The following SPOP variants were observed in gnomAD, a reference collection of about 807,000 sequenced individuals.
The protein encoded by SPOP is speckle-type POZ protein.
SPOP carries 11 observed loss-of-function variants against 45.6 expected under a neutral mutation model. That is an observed-to-expected ratio of 0.24 (90% confidence interval 0.15 to 0.40). The LOEUF (loss-of-function observed/expected upper bound fraction) is 0.40, where lower values mean the gene tolerates loss of function less well. Among genes scored for constraint, SPOP ranks in the 10% least tolerant of loss-of-function variants. The pLI is 1.00. For missense variants in SPOP, 152 were observed against 465.6 expected, an observed-to-expected ratio of 0.33 and a Z score of 6.20; for synonymous variants, 166 against 166.3, an observed-to-expected ratio of 1.00 and a Z score of 0.01.
At chr17:49,617,923 C>CAAAAAAAA (rs907445153) in intron 5 of SPOP, among the ~76,000 whole-genome samples, 1 of 55,882 alleles carries the variant, frequency 1.8e-5, no homozygotes, top group African/African-American at 6.3e-5. Context: ...GACTCCGTCT[C>CAAAAAAAA]AAAAAAAAAA....
chr17:49,625,606 C>T (rs946477136), intron 1 of SPOP, among the ~76,000 whole-genome samples: 69 of 152,062 alleles, frequency 4.5e-4, no homozygotes, highest in Non-Finnish European at 4.9e-4. Flanking sequence ...GAAGCTCCAT[C>T]TCAAAAAATA....
At chr17:49,639,510 G>T (rs545692838) in intron 1 of SPOP, among the ~76,000 whole-genome samples, 1 of 152,290 alleles carries the variant, frequency 6.6e-6, no homozygotes, top group East Asian at 1.9e-4. Context: ...TACATAAATT[G>T]TGGTATATTC....
At chr17:49,675,282 A>T (rs2073184643) in intron 1 of SPOP, among the ~76,000 whole-genome samples, 1 of 152,264 alleles carries the variant, frequency 6.6e-6, no homozygotes, top group South Asian at 2.1e-4. Context: ...ATTATCTGCC[A>T]TCTTTCAAAA....
chr17:49,609,021 G>A (rs2071911377), intron 6 of SPOP, among the ~76,000 whole-genome samples: 1 of 151,760 alleles, frequency 6.6e-6, no homozygotes, highest in Admixed American at 6.6e-5. Flanking sequence ...CAATTCTCCT[G>A]CCTCAGCCTC....
chr17:49,604,136 A>C (rs981642314), intron 8 of SPOP, among the ~76,000 whole-genome samples: 1 of 152,260 alleles, frequency 6.6e-6, no homozygotes, highest in African/African-American at 2.4e-5. Context: ...TTCCTTAAAA[A>C]TCAGAGCACA....
At chr17:49,659,267 T>C (rs1384582833) in intron 1 of SPOP, among the ~76,000 whole-genome samples, 1 of 152,166 alleles carries the variant, frequency 6.6e-6, no homozygotes, top group African/African-American at 2.4e-5. Context: ...GTTTTGAACC[T>C]CATCTACTCT....
chr17:49,630,145 G>A (rs923654116), intron 1 of SPOP, among the ~76,000 whole-genome samples: 10 of 152,066 alleles, frequency 6.6e-5, no homozygotes, highest in African/African-American at 1.4e-4. Flanking sequence ...AGATGTTTGC[G>A]TTTTCCAAAA....
At position 49,607,773 on chromosome 17, in the gene SPOP, T is replaced by C. The variant is rs563001151; in HGVS notation, c.714+101A>G. The C allele has an allele frequency of 2.9e-4, 336 of 1,176,902 alleles. No individual in the cohort carries two copies. The African/African-American group carries it at 4.7e-3, about 17-fold the overall frequency. The allele number at this position is 1,176,902 out of a possible 1,614,324, so 72.9% of individuals were successfully genotyped here. A position where few individuals can be genotyped will look rare whatever the true frequency, so the allele number is the denominator to read the frequency against. On this transcript the variant is annotated intron_variant, in intron 7 of 9. Transcript: ENST00000504102. ...TTTAGGGACTCATACTCCATTTTAG[T>C]AAGAAAAAAGTAATTAGGAAAATGA...
intron 6 of SPOP, among the ~76,000 whole-genome samples, chr17:49,609,918 C>T (rs986882975): frequency 4.0e-5 from 6 of 151,654 alleles, no homozygotes; most frequent in African/African-American, 1.5e-4. Context: ...GGATATAAAA[C>T]AGAGCAGAGG....
At chr17:49,605,448 G>A (rs1174725297) in intron 8 of SPOP, among the ~76,000 whole-genome samples, 2 of 152,192 alleles carry the variant, frequency 1.3e-5, no homozygotes, top group African/African-American at 2.4e-5. Context: ...TCAGCACTTT[G>A]GGAGGCTGAG....
intron 1 of SPOP, among the ~76,000 whole-genome samples, chr17:49,676,318 G>C (rs1182246413): frequency 2.0e-5 from 3 of 152,148 alleles, no homozygotes; most frequent in African/African-American, 7.2e-5. Context: ...TTCCCAGGAA[G>C]ATATATGCAC....
At chr17:49,610,680 G>T (rs2071953537) in intron 6 of SPOP, among the ~76,000 whole-genome samples, 1 of 152,136 alleles carries the variant, frequency 6.6e-6, no homozygotes, top group South Asian at 2.1e-4. Flanking sequence ...TTTCCTGTTA[G>T]GTCTTATGGT....
intron 1 of SPOP, among the ~76,000 whole-genome samples, chr17:49,668,760 C>CAT (rs1009175774): frequency 1.3e-5 from 2 of 150,904 alleles, no homozygotes; most frequent in Non-Finnish European, 2.9e-5. Flanking sequence ...TATATACACT[C>CAT]ATATATATAC....
At chr17:49,664,418 A>T (rs182208826) in intron 1 of SPOP, among the ~76,000 whole-genome samples, 3 of 152,350 alleles carry the variant, frequency 2.0e-5, no homozygotes, top group Admixed American at 2.0e-4. Context: ...AATTTTTCTA[A>T]AACATTTTTT....
chr17:49,638,578 T>C (rs2008752), intron 1 of SPOP, among the ~76,000 whole-genome samples: 123,555 of 151,602 alleles, frequency 0.81, 51,126 homozygotes, highest in East Asian at 1. Flanking sequence ...AGTGAGACTC[T>C]GTCTCAAAAA....
intron 1 of SPOP, among the ~76,000 whole-genome samples, chr17:49,646,806 T>C (rs2072765989): frequency 6.6e-6 from 1 of 152,190 alleles, no homozygotes; most frequent in Non-Finnish European, 1.5e-5. Context: ...TGGCTATTAA[T>C]GGGCTTGAGT....
chr17:49,657,696 C>CT (rs34194099), intron 1 of SPOP, among the ~76,000 whole-genome samples: 5,823 of 100,972 alleles, frequency 0.058, 337 homozygotes, highest in East Asian at 0.16. Flanking sequence ...CGCACCCGGC[C>CT]TTTTTTTTTT....
intron 5 of SPOP, among the ~76,000 whole-genome samples, chr17:49,618,162 G>A (rs1337857818): frequency 6.6e-6 from 1 of 152,092 alleles, no homozygotes; most frequent in African/African-American, 2.4e-5. Flanking sequence ...ATTATCAAGC[G>A]GTGCTGCTCA....
chr17:49,638,527 G>A (rs1227570251), intron 1 of SPOP, among the ~76,000 whole-genome samples: 1 of 151,832 alleles, frequency 6.6e-6, no homozygotes, highest in South Asian at 2.1e-4. Context: ...AGTGGTTGCC[G>A]TGAACAGAGA....
Sources: gnomAD v4.1 joint callset for allele counts (sites outside exome capture counted in the v4.1 genomes callset) on GRCh38, gnomAD v4.1.1 for gene constraint, MANE v1.5 for transcripts, NCBI Gene and HGNC (gene_info 2026-07-23, HGNC 2026-07-21) for gene names.